Variants in MTURN observed in about 807,000 individuals in gnomAD.
MTURN encodes maturin, neural progenitor differentiation regulator homolog.
MTURN carries 7 observed loss-of-function variants against 14.9 expected under a neutral mutation model. The observed-to-expected ratio is 0.47, with a 90% confidence interval of 0.27 to 0.88. The LOEUF (loss-of-function observed/expected upper bound fraction) is 0.88, where lower values mean the gene tolerates loss of function less well. MTURN is among the 40% of genes least tolerant of loss of function. The probability of loss-of-function intolerance (pLI) is 0.14; values close to 1 mark genes in which losing one functional copy is unlikely to be tolerated. For synonymous variants in MTURN, 69 were observed against 72.5 expected, an observed-to-expected ratio of 0.95 and a Z score of 0.25; for missense variants, 151 against 174.1, an observed-to-expected ratio of 0.87 and a Z score of 0.75.
At chr7:30,156,343 CTT>C (rs1397137261) in intron 2 of MTURN, among the ~76,000 whole-genome samples, 8 of 152,018 alleles carry the variant, frequency 5.3e-5, no homozygotes, top group Non-Finnish European at 1.2e-4. Context: ...TTACTGAAGT[CTT>C]TTTTCTATGC....
Position 30,135,020 on chromosome 7 carries a change from C to G in MTURN, c.-117C>G. The G allele has an allele frequency of 1.1e-6, 1 of 920,072 alleles. No homozygotes were observed. The highest frequency in any genetic ancestry group is 1.3e-6 in the Non-Finnish European group (1 of 749,706). 57.0% of individuals were successfully genotyped at this position (920,072 alleles called of 1,614,324 possible). A position where few individuals can be genotyped will look rare whatever the true frequency, so the allele number is the denominator to read the frequency against. ...CGCATGTAAACAGTCCCAGCCGGCC[C>G]AGCCCGGCCCCGGAGGAGCCCGCGC... On this transcript the variant is annotated 5_prime_UTR_variant, in exon 1 of 3. Coordinates refer to ENST00000324453, the MANE Select transcript of MTURN (RefSeq NM_152793.3).
rs1206918332 is a variant in MTURN, at chr7:30,158,988, A to G, written c.*1440A>G. 1 of 152,208 alleles carries G rather than the reference A, an allele frequency of 6.6e-6. No homozygotes were observed. Among genetic ancestry groups the G allele is most frequent in the Non-Finnish European group, 1.5e-5 (1 of 68,040 alleles). The allele number at this position is 152,208 out of a possible 1,614,324, so 9.4% of individuals were successfully genotyped here. ...TGGGAGTCTTGTATATCTTCCAGGCATGTCGGTGTAAACCTGATTGTCTCG... is the reference window on the plus strand; with the variant it reads ...TGGGAGTCTTGTATATCTTCCAGGCGTGTCGGTGTAAACCTGATTGTCTCG... On this transcript the variant is annotated 3_prime_UTR_variant, in exon 3 of 3. Coordinates refer to ENST00000324453, the MANE Select transcript of MTURN (RefSeq NM_152793.3).
intron 1 of MTURN, among the ~76,000 whole-genome samples, chr7:30,136,938 G>A (rs1284845934): frequency 3.3e-5 from 5 of 152,204 alleles, no homozygotes; most frequent in African/African-American, 1.2e-4. Context: ...ATTTTTTAAA[G>A]AGCCTTGGTT....
rs1309023847 is a variant in MTURN at position 30,162,712 on chromosome 7, A to G, written c.*5164A>G. 2 of 152,410 alleles carry G rather than the reference A, an allele frequency of 1.3e-5. No homozygotes were observed. Among genetic ancestry groups the G allele is most frequent in the African/African-American group, 4.8e-5 (2 of 41,386 alleles). 9.4% of individuals were successfully genotyped at this position (152,410 alleles called of 1,614,324 possible). ...TCCCTCCCCTGAGAGTGAGGACCTC[A>G]TCCGACCATGTAATTACCATTCGCT... is the stretch of plus-strand genomic sequence containing the variant. On this transcript the variant is annotated 3_prime_UTR_variant, in exon 3 of 3. Coordinates refer to ENST00000324453, the MANE Select transcript of MTURN (RefSeq NM_152793.3).
intron 1 of MTURN, among the ~76,000 whole-genome samples, chr7:30,145,387 G>T (rs1442706231): frequency 6.6e-6 from 1 of 152,074 alleles, no homozygotes; most frequent in Non-Finnish European, 1.5e-5. Flanking sequence ...CCACCTACTT[G>T]GGTGGCCAAG....
Position 30,142,563 on chromosome 7 carries a change from C to T in MTURN, c.163-3614C>T, listed in dbSNP as rs1324941781. On this transcript the variant is annotated intron_variant, in intron 1 of 2. Coordinates refer to ENST00000324453, the MANE Select transcript of MTURN (RefSeq NM_152793.3). Reference sequence around the variant, plus strand: ...ATTTGTTGGAAATACATATTCTCAGCTCACTGAATAGTTCATTAGCTAAAT... The same window carrying T: ...ATTTGTTGGAAATACATATTCTCAGTTCACTGAATAGTTCATTAGCTAAAT... Among the ~76,000 whole-genome samples the T allele has an allele frequency of 8.5e-5, 13 of 152,180 alleles. No homozygotes were observed. In the East Asian group the frequency reaches 1.5e-3, roughly 18 times the overall value.
Position 30,157,450 on chromosome 7 carries a change from C to T in MTURN, c.298C>T (p.Pro100Ser), listed in dbSNP as rs2128034484. 3.1e-6 allele frequency: 5 copies of T among 1,599,374 alleles called. No homozygotes were observed. The highest frequency in any genetic ancestry group is 2.3e-5 in the East Asian group (1 of 43,522). The change falls in exon 3 of 3, where the codon CCG becomes TCG. Residue 100 changes from proline (P) to serine (S), a missense_variant. Physicochemically the swap from Pro to Ser is moderately conservative, Grantham distance 74. Coordinates refer to ENST00000324453, the MANE Select transcript of MTURN (RefSeq NM_152793.3). ...FKSFRPLLGL[P>S]DADDDAFEEY... ...TCTCTCCCTGTAGTTACTGGGGCTT[C>T]CGGATGCAGATGACGATGCGTTTGA...
At chr7:30,142,176 A>G (rs1797061535) in intron 1 of MTURN, among the ~76,000 whole-genome samples, 1 of 152,234 alleles carries the variant, frequency 6.6e-6, no homozygotes, top group African/African-American at 2.4e-5. Context: ...TCCTATTTGC[A>G]GGTGACATAG....
chr7:30,155,501 T>G (rs1030287194), intron 2 of MTURN, among the ~76,000 whole-genome samples: 1 of 152,168 alleles, frequency 6.6e-6, no homozygotes, highest in Non-Finnish European at 1.5e-5. Flanking sequence ...TTTACTAAAA[T>G]CTGCAAGGGA....
chr7:30,153,043 A>G (rs1797235455), intron 2 of MTURN, among the ~76,000 whole-genome samples: 1 of 152,234 alleles, frequency 6.6e-6, no homozygotes, highest in Non-Finnish European at 1.5e-5. Flanking sequence ...TGAAATAGGA[A>G]TAAATGATTA....
intron 1 of MTURN, among the ~76,000 whole-genome samples, chr7:30,136,915 T>G (rs1009947974): frequency 2.0e-5 from 3 of 152,220 alleles, no homozygotes; most frequent in African/African-American, 7.2e-5. Flanking sequence ...TCCCAGAATT[T>G]AGAGCTTGTC....
chr7:30,142,877 C>T (rs531472615), intron 1 of MTURN, among the ~76,000 whole-genome samples: 2 of 152,332 alleles, frequency 1.3e-5, no homozygotes, highest in African/African-American at 4.8e-5. Flanking sequence ...CATTGTTCAG[C>T]GCTAGAGGTT....
At chr7:30,143,237 GCTA>G (rs1410928734) in intron 1 of MTURN, among the ~76,000 whole-genome samples, 7 of 152,160 alleles carry the variant, frequency 4.6e-5, no homozygotes, top group African/African-American at 1.7e-4. Context: ...CTTTGCATGG[GCTA>G]CTTAGAAAGC....
intron 1 of MTURN, among the ~76,000 whole-genome samples, chr7:30,142,149 C>T (rs1461485023): frequency 6.6e-6 from 1 of 152,210 alleles, no homozygotes; most frequent in Non-Finnish European, 1.5e-5. Flanking sequence ...TTGTACAAAA[C>T]AGGAAGGTGC....
rs1797319100 is a variant in MTURN at position 30,158,359 on chromosome 7, A to ATGGCC, written c.*812_*816dup. 1 of 152,664 alleles carries ATGGCC rather than the reference A, an allele frequency of 6.6e-6. No homozygotes were observed. The highest frequency in any genetic ancestry group is 1.5e-5 in the Non-Finnish European group (1 of 68,042). 9.5% of individuals were successfully genotyped at this position (152,664 alleles called of 1,614,324 possible). A position where few individuals can be genotyped will look rare whatever the true frequency, so the allele number is the denominator to read the frequency against. On this transcript the variant is annotated 3_prime_UTR_variant, in exon 3 of 3. Coordinates refer to ENST00000324453, the MANE Select transcript of MTURN (RefSeq NM_152793.3). ...TTTTACCTTCTCTCTTTCTAATGAGATGGCCGCTTGTTAAATCATGAAAAC... is the reference window on the plus strand; with the variant it reads ...TTTTACCTTCTCTCTTTCTAATGAGATGGCCTGGCCGCTTGTTAAATCATGAAAAC...
chr7:30,146,741 G>A (rs955135260), intron 2 of MTURN, among the ~76,000 whole-genome samples: 2 of 152,220 alleles, frequency 1.3e-5, no homozygotes, highest in African/African-American at 4.8e-5. Flanking sequence ...GGAAAAGGAT[G>A]AAACTGGATA....
chr7:30,137,340 A>G, intron 1 of MTURN: 1 of 294,186 alleles, frequency 3.4e-6, no homozygotes, highest in South Asian at 3.2e-5. Context: ...GCCATACCCA[A>G]AGAAATGACT....
chr7:30,147,253 T>C (rs1344870115), intron 2 of MTURN, among the ~76,000 whole-genome samples: 1 of 152,242 alleles, frequency 6.6e-6, no homozygotes, highest in African/African-American at 2.4e-5. Flanking sequence ...TATCTTTGTG[T>C]GCTAGTTATT....
At chr7:30,150,567 C>T (rs935845057) in intron 2 of MTURN, among the ~76,000 whole-genome samples, 7 of 152,176 alleles carry the variant, frequency 4.6e-5, no homozygotes, top group Non-Finnish European at 8.8e-5. Context: ...TCTAAGTTTT[C>T]TATGATCACA....
Sources: gnomAD v4.1 joint callset for allele counts (sites outside exome capture counted in the v4.1 genomes callset) on GRCh38, gnomAD v4.1.1 for gene constraint, MANE v1.5 for transcripts, NCBI Gene and HGNC (gene_info 2026-07-23, HGNC 2026-07-21) for gene names.